The following LRRC4C variants were observed in gnomAD, a reference collection of about 807,000 sequenced individuals.
LRRC4C encodes leucine-rich repeat-containing protein 4C.
A neutral mutation model predicts 33.6 loss-of-function variants in LRRC4C; 5 were observed. That is an observed-to-expected ratio of 0.15 (90% CI 0.08 to 0.31). LRRC4C has a LOEUF of 0.31. Ranked by LOEUF, LRRC4C falls within the 10% of genes least tolerant of loss-of-function variation. The probability of loss-of-function intolerance (pLI) is 1.00; values close to 1 mark genes in which losing one functional copy is unlikely to be tolerated. For synonymous variants in LRRC4C, 329 were observed against 302.0 expected (o/e 1.09, Z -0.93); for missense variants, 560 against 796.7 (o/e 0.70, Z 3.58).
At chr11:40,241,131 G>A (rs961807384) in intron 5 of LRRC4C, among the ~76,000 whole-genome samples, 4 of 152,160 alleles carry the variant, frequency 2.6e-5, no homozygotes, top group African/African-American at 9.7e-5. Flanking sequence ...ACTTAGGGAG[G>A]CTGAGGGGGA....
At chr11:40,189,083 T>A (rs185442416) in intron 5 of LRRC4C, among the ~76,000 whole-genome samples, 3 of 152,196 alleles carry the variant, frequency 2.0e-5, no homozygotes, top group African/African-American at 7.2e-5. Flanking sequence ...CCTTTATTCA[T>A]ACGCTTGGGC....
At chr11:41,317,658 G>A (rs552657421) in intron 1 of LRRC4C, among the ~76,000 whole-genome samples, 1 of 151,920 alleles carries the variant, frequency 6.6e-6, no homozygotes, top group South Asian at 2.1e-4. Flanking sequence ...GTAATACTAA[G>A]GACCCGTCAT....
intron 1 of LRRC4C, among the ~76,000 whole-genome samples, chr11:41,403,383 C>A (rs1954097850): frequency 6.6e-6 from 1 of 152,016 alleles, no homozygotes; most frequent in African/African-American, 2.4e-5. Context: ...AATTCAGATA[C>A]CTACAGGTCT....
At chr11:41,217,978 G>A (rs1407966800) in intron 1 of LRRC4C, among the ~76,000 whole-genome samples, 1 of 152,134 alleles carries the variant, frequency 6.6e-6, no homozygotes, top group Non-Finnish European at 1.5e-5. Context: ...AGCCTGCAAA[G>A]TTTAATTAAA....
chr11:41,202,559 T>G (rs1194212835), intron 1 of LRRC4C, among the ~76,000 whole-genome samples: 4 of 152,162 alleles, frequency 2.6e-5, no homozygotes, highest in African/African-American at 9.7e-5. Context: ...ACTCTTTTAT[T>G]CTCATTTTAG....
chr11:41,309,223 G>C (rs1177700321), intron 1 of LRRC4C, among the ~76,000 whole-genome samples: 1 of 152,162 alleles, frequency 6.6e-6, no homozygotes, highest in Admixed American at 6.5e-5. Context: ...CAATGATAGT[G>C]GGGGGTGGGA....
chr11:41,301,697 C>T (rs181047632), intron 1 of LRRC4C, among the ~76,000 whole-genome samples: 21 of 152,206 alleles, frequency 1.4e-4, no homozygotes, highest in African/African-American at 4.8e-4. Flanking sequence ...TTATGACTTT[C>T]ATGACTTAGC....
chr11:40,823,202 G>A (rs1952015121), intron 2 of LRRC4C, among the ~76,000 whole-genome samples: 3 of 151,626 alleles, frequency 2.0e-5, no homozygotes. Flanking sequence ...ACACCTAATT[G>A]TAAGCATTAA....
intron 2 of LRRC4C, among the ~76,000 whole-genome samples, chr11:40,719,323 A>C (rs530221037): frequency 6.6e-6 from 1 of 152,324 alleles, no homozygotes; most frequent in African/African-American, 2.4e-5. Flanking sequence ...TAGTCTTCTA[A>C]GAGAAAATGA....
intron 3 of LRRC4C, among the ~76,000 whole-genome samples, chr11:40,624,231 G>T (rs1962723309): frequency 6.6e-6 from 1 of 152,064 alleles, no homozygotes; most frequent in Non-Finnish European, 1.5e-5. Context: ...TATAAGATAT[G>T]TTTTTTGACC....
At position 40,821,289 on chromosome 11, in the gene LRRC4C, C is replaced by A. The variant is rs1024518866; in HGVS notation, c.-407+112346G>T. ...TGCACTATTTTTTGGGGAAATTGAC[C>A]AACTGCTCCTAAAATTTATATGAAA... On this transcript the variant is annotated intron_variant, in intron 2 of 6. Transcript: ENST00000528697. 3.3e-5 allele frequency among the ~76,000 whole-genome samples: 5 copies of A among 151,510 alleles called. No individual in the cohort carries two copies. In the East Asian group the frequency reaches 9.7e-4, roughly 29 times the overall value.
intron 3 of LRRC4C, among the ~76,000 whole-genome samples, chr11:40,431,101 A>AC (rs1377037419): frequency 1.8e-5 from 1 of 54,662 alleles, no homozygotes; most frequent in Non-Finnish European, 3.9e-5. Context: ...GTATAATAAA[A>AC]AAAAAAAAAA....
chr11:41,456,864 G>A (rs371210641), intron 1 of LRRC4C, among the ~76,000 whole-genome samples: 4 of 152,066 alleles, frequency 2.6e-5, no homozygotes, highest in East Asian at 1.9e-4. Context: ...CATTGCTCTG[G>A]CCTGAGCTGA....
At chr11:40,253,468 G>C (rs1227036323) in intron 4 of LRRC4C, among the ~76,000 whole-genome samples, 7 of 152,138 alleles carry the variant, frequency 4.6e-5, no homozygotes, top group African/African-American at 7.2e-5. Flanking sequence ...CCTAAGACTT[G>C]TTACTCAATC....
At chr11:41,014,551 G>C (rs930657139) in intron 1 of LRRC4C, among the ~76,000 whole-genome samples, 2 of 150,018 alleles carry the variant, frequency 1.3e-5, no homozygotes, top group Non-Finnish European at 3.0e-5. Flanking sequence ...TGATGTTGTA[G>C]AAAACATAGT....
chr11:41,217,496 A>G (rs1947111234), intron 1 of LRRC4C, among the ~76,000 whole-genome samples: 1 of 152,246 alleles, frequency 6.6e-6, no homozygotes. Flanking sequence ...CCTGCTTTTC[A>G]ATAATGCTAA....
intron 1 of LRRC4C, among the ~76,000 whole-genome samples, chr11:41,356,282 G>T (rs1393188959): frequency 6.6e-6 from 1 of 152,060 alleles, no homozygotes; most frequent in Non-Finnish European, 1.5e-5. Context: ...CAAACAATTT[G>T]CCCTCTTGAT....
chr11:40,529,251 GGTATATGCATAC>G (rs1292965411), intron 3 of LRRC4C, among the ~76,000 whole-genome samples: 6 of 151,932 alleles, frequency 3.9e-5, no homozygotes, highest in Non-Finnish European at 8.8e-5. Context: ...GACTGTTACA[GGTATATGCATAC>G]GTCCAAACTC....
chr11:40,599,301 A>T (rs1959720340), intron 3 of LRRC4C, among the ~76,000 whole-genome samples: 1 of 152,068 alleles, frequency 6.6e-6, no homozygotes, highest in Non-Finnish European at 1.5e-5. Flanking sequence ...TTAAAAAAAA[A>T]ATCACCAGGT....
Sources: allele counts gnomAD v4.1 joint callset (sites outside exome capture counted in the v4.1 genomes callset), GRCh38; gene constraint gnomAD v4.1.1; transcripts MANE v1.5; gene names NCBI Gene and HGNC (gene_info 2026-07-23, HGNC 2026-07-21).